The following DLC1 variants were observed in gnomAD, a reference collection of about 807,000 sequenced individuals.
DLC1 encodes the protein DLC1 Rho GTPase activating protein.
In DLC1, 54 loss-of-function variants were observed where a neutral mutation model predicts 140.3. The observed-to-expected ratio is 0.38, with a 90% CI of 0.31 to 0.48. DLC1 has a LOEUF of 0.48. Ranked by LOEUF, DLC1 falls within the 20% of genes least tolerant of loss-of-function variation. The pLI is 0.96. For synonymous variants in DLC1, 986 were observed against 728.1 expected (o/e 1.35, Z -5.70); for missense variants, 2,536 against 1,907.0 (o/e 1.33, Z -6.14).
chr8:13,250,737 G>A (rs936933170), intron 5 of DLC1, among the ~76,000 whole-genome samples: 32 of 151,554 alleles, frequency 2.1e-4, no homozygotes, highest in Admixed American at 1.1e-3. Context: ...AAGCAGAGTG[G>A]AAGTTGCTAT....
chr8:13,327,194 C>T (rs1400990648), intron 4 of DLC1, among the ~76,000 whole-genome samples: 5 of 134,518 alleles, frequency 3.7e-5, no homozygotes, highest in Non-Finnish European at 3.0e-5. Flanking sequence ...AGGATGGTCT[C>T]GATCTCCTGA....
At chr8:13,184,055 T>A (rs1238252872) in intron 5 of DLC1, among the ~76,000 whole-genome samples, 2 of 152,198 alleles carry the variant, frequency 1.3e-5, no homozygotes, top group African/African-American at 4.8e-5. Flanking sequence ...AGGGTGTATG[T>A]GTCCAGGAAT....
At chr8:13,274,004 A>C (rs773160708) in intron 5 of DLC1, among the ~76,000 whole-genome samples, 11 of 152,144 alleles carry the variant, frequency 7.2e-5, no homozygotes, top group Non-Finnish European at 1.6e-4. Context: ...TTACCTCATT[A>C]ATTTCACAAC....
At chr8:13,286,106 A>C (rs1178662597) in intron 5 of DLC1, among the ~76,000 whole-genome samples, 1 of 152,252 alleles carries the variant, frequency 6.6e-6, no homozygotes, top group Non-Finnish European at 1.5e-5. Context: ...AAATCAATGG[A>C]TTTATGAATA....
intron 5 of DLC1, among the ~76,000 whole-genome samples, chr8:13,121,818 G>A (rs1187176478): frequency 6.6e-6 from 1 of 152,104 alleles, no homozygotes; most frequent in East Asian, 1.9e-4. Context: ...CTCCCAAAGT[G>A]CTGGGATTAC....
In DLC1 at chr8:13,244,504, G is replaced by T. The variant is rs75508435; in HGVS notation, c.1348+60765C>A. Among the ~76,000 whole-genome samples, 458 of 151,928 alleles carry T rather than the reference G, an allele frequency of 3.0e-3. 3 individuals carry two copies. Among genetic ancestry groups the T allele is most frequent in the Admixed American group, 0.014 (209 of 15,258 alleles). ...TATAGAGATGGGGTCTTGTTATGTT[G>T]CACGGGCTGGTCTCAAACTCCTGGC... On this transcript the variant is annotated intron_variant, in intron 5 of 17. Coordinates refer to ENST00000276297, the MANE Select transcript of DLC1 (RefSeq NM_182643.3).
intron 5 of DLC1, among the ~76,000 whole-genome samples, chr8:13,290,868 C>T (rs6990877): frequency 0.064 from 9,711 of 152,170 alleles, 362 homozygotes; most frequent in South Asian, 0.12. Flanking sequence ...GAATGAGATG[C>T]GTAGCTTGGT....
intron 1 of DLC1, among the ~76,000 whole-genome samples, chr8:13,549,736 G>A (rs1041079492): frequency 6.6e-6 from 1 of 152,086 alleles, no homozygotes; most frequent in African/African-American, 2.4e-5. Flanking sequence ...ATCTCCAGAA[G>A]AACTCTGAGG....
intron 1 of DLC1, chr8:13,567,592 T>TAGGG (rs1177493101): frequency 6.4e-7 from 1 of 1,551,778 alleles, no homozygotes; most frequent in Non-Finnish European, 8.7e-7. Context: ...TCAGTGTCCC[T>TAGGG]ATTGTAACAG....
At chr8:13,351,510 G>A (rs1834661167) in intron 4 of DLC1, among the ~76,000 whole-genome samples, 1 of 151,338 alleles carries the variant, frequency 6.6e-6, no homozygotes, top group South Asian at 2.1e-4. Flanking sequence ...TTGGATGTTT[G>A]GAAAAAAAAA....
rs559274347 is a variant in DLC1 at position 13,180,788 on chromosome 8, T to G, written c.1349-65131A>C. On this transcript the variant is annotated intron_variant, in intron 5 of 17. Coordinates refer to ENST00000276297, the MANE Select transcript of DLC1 (RefSeq NM_182643.3). ...CCAAAACCATCACATGAAATTAAGT[T>G]TCCAAAAATATAACATCTAACTCCT... Among the ~76,000 whole-genome samples the G allele has an allele frequency of 9.2e-5, 14 of 152,322 alleles. No homozygotes were observed. The South Asian group carries it at 2.1e-3, about 23-fold the overall frequency.
chr8:13,534,344 T>G (rs71522350), intron 1 of DLC1, among the ~76,000 whole-genome samples: 2 of 152,348 alleles, frequency 1.3e-5, no homozygotes, highest in African/African-American at 4.8e-5. Context: ...GTTAATATTG[T>G]ATTTTTCTTT....
At position 13,083,805 on chromosome 8, in the gene DLC1, T is replaced by C. The variant is rs539628013; in HGVS notation, c.*2006A>G. Reference sequence around the variant, plus strand: ...TTGGAATGATTTGCAGTCCGATTTTTCCTTCAGCAAATCGCTCTTTTGATT... The same window carrying C: ...TTGGAATGATTTGCAGTCCGATTTTCCCTTCAGCAAATCGCTCTTTTGATT... On this transcript the variant is annotated 3_prime_UTR_variant, in exon 18 of 18. Coordinates refer to ENST00000276297, the MANE Select transcript of DLC1 (RefSeq NM_182643.3). 1 of 152,774 alleles carries C rather than the reference T, an allele frequency of 6.5e-6. No homozygotes were observed. Among genetic ancestry groups the C allele is most frequent in the East Asian group, 1.9e-4 (1 of 5,182 alleles). 9.5% of individuals were successfully genotyped at this position (152,774 alleles called of 1,614,324 possible).
In DLC1 at chr8:13,100,607, C is replaced by A. The variant is rs145901252; in HGVS notation, c.1730G>T (p.Ser577Ile). Residue 577 changes from serine to isoleucine, a missense_variant, in exon 9 of 18, where the codon AGC becomes ATC. Ser to Ile is a moderately radical substitution (Grantham distance 142). Transcript: ENST00000276297. ...GAGGTCCATCAGCGTGCCTCCGGGGCTGGGGCCGTCCTTCGGGTGGGAGTC... is the reference window on the plus strand; with the variant it reads ...GAGGTCCATCAGCGTGCCTCCGGGGATGGGGCCGTCCTTCGGGTGGGAGTC... Reference protein sequence around the residue: ...PDDSHPKDGPSPGGTLMDLSE... With the variant: ...PDDSHPKDGPIPGGTLMDLSE... 1 of 1,613,888 alleles carries A rather than the reference C, an allele frequency of 6.2e-7. No homozygotes were observed. The highest frequency in any genetic ancestry group is 1.3e-5 in the African/African-American group (1 of 74,922).
chr8:13,305,091 C>G, intron 5 of DLC1, 178 bp downstream of exon 5: 1 of 1,273,444 alleles, frequency 7.9e-7, no homozygotes, highest in East Asian at 3.1e-5. Flanking sequence ...TGTCAGAAAA[C>G]CACGTATATT....
chr8:13,472,996 G>A (rs1800280941), intron 2 of DLC1, among the ~76,000 whole-genome samples: 1 of 152,082 alleles, frequency 6.6e-6, no homozygotes. Context: ...ATCTACCTTT[G>A]AACTAAGAAG....
chr8:13,304,808 AT>A (rs1832349740), intron 5 of DLC1: 40 of 968,016 alleles, frequency 4.1e-5, no homozygotes, highest in Non-Finnish European at 4.8e-5. Context: ...AAATACTATA[AT>A]TTTTTTCTTC....
At position 13,133,439 on chromosome 8, in the gene DLC1, C is replaced by G. The variant is rs13253885; in HGVS notation, c.1349-17782G>C. 117,990 of 399,062 alleles carry G rather than the reference C, an allele frequency of 0.3. 18,279 individuals are homozygous for G. The highest frequency in any genetic ancestry group is 0.45 in the Admixed American group (6,503 of 14,590). 24.7% of individuals were successfully genotyped at this position (399,062 alleles called of 1,614,324 possible). ...TCCGGCCCCGCCCCATTCCCAGGCT[C>G]CGCCCCCCGCCCCTCTTCCTCGTGG... On this transcript the variant is annotated intron_variant, in intron 5 of 17. Coordinates refer to ENST00000276297, the MANE Select transcript of DLC1 (RefSeq NM_182643.3).
chr8:13,187,801 G>A (rs557033308), intron 5 of DLC1, among the ~76,000 whole-genome samples: 260 of 152,248 alleles, frequency 1.7e-3, no homozygotes, highest in Non-Finnish European at 2.8e-3. Flanking sequence ...ACTGCATGTT[G>A]GACTTTTGGA....
Sources: allele counts gnomAD v4.1 joint callset (sites outside exome capture counted in the v4.1 genomes callset), GRCh38; gene constraint gnomAD v4.1.1; transcripts MANE v1.5; gene names NCBI Gene and HGNC (gene_info 2026-07-23, HGNC 2026-07-21).